Variants in ZBTB25 observed in about 807,000 individuals in gnomAD.
ZBTB25 encodes the protein zinc finger and BTB domain containing 25.
Under a neutral mutation model 34.2 loss-of-function variants are expected in ZBTB25, and 20 were observed. The observed-to-expected ratio is 0.58, with a 90% CI of 0.41 to 0.85. The LOEUF is 0.85. ZBTB25 is among the 40% of genes least tolerant of loss of function. The pLI is 0.00. For synonymous variants in ZBTB25, 175 were observed against 186.4 expected (o/e 0.94, Z 0.50); for missense variants, 437 against 521.8 (o/e 0.84, Z 1.58).
Position 64,486,738 on chromosome 14 carries a change from A to C in ZBTB25, c.*185T>G. The C allele has an allele frequency of 7.9e-7, 1 of 1,258,150 alleles. No homozygotes were observed. The highest frequency in any genetic ancestry group is 1.0e-6 in the Non-Finnish European group (1 of 998,010). 77.9% of individuals were successfully genotyped at this position (1,258,150 alleles called of 1,614,324 possible). A position where few individuals can be genotyped will look rare whatever the true frequency, so the allele number is the denominator to read the frequency against. Reference sequence around the variant, plus strand: ...AAGTTCACAGTAGTAATTGAATGTTACATTTTAATAGCCACATATTAATAT... The same window carrying C: ...AAGTTCACAGTAGTAATTGAATGTTCCATTTTAATAGCCACATATTAATAT... On this transcript the variant is annotated 3_prime_UTR_variant, in exon 3 of 3. Coordinates refer to ENST00000608382, the MANE Select transcript of ZBTB25 (RefSeq NM_006977.5).
At chr14:64,461,346 C>G (rs1436316554) in intron 2 of ZBTB25, 2 of 152,348 alleles carry the variant, frequency 1.3e-5, no homozygotes, top group Non-Finnish European at 2.9e-5. Flanking sequence ...AGAGCCCCAG[C>G]TCTATGGCAG....
rs547342387 is a variant in ZBTB25, at chr14:64,455,066, C to A, written c.174-5428G>T. ...CTATATAGCTCTTGCTGTGGACCATCTTGGTGTCAAATCAAGAATGATGCC... is the reference window on the plus strand; with the variant it reads ...CTATATAGCTCTTGCTGTGGACCATATTGGTGTCAAATCAAGAATGATGCC... On this transcript the variant is annotated intron_variant, in intron 2 of 2. Coordinates refer to the ZBTB25 transcript ENST00000555220. The A allele has an allele frequency of 9.7e-6, 6 of 620,426 alleles. No individual in the cohort carries two copies. The Admixed American group carries it at 1.0e-4, about 11-fold the overall frequency. 38.4% of individuals were successfully genotyped at this position (620,426 alleles called of 1,614,324 possible).
chr14:64,451,279 C>T (rs1450437600), intron 2 of ZBTB25, among the ~76,000 whole-genome samples: 1 of 152,188 alleles, frequency 6.6e-6, no homozygotes, highest in East Asian at 1.9e-4. Context: ...GCCTCAGCCT[C>T]CCAAAGTGCT....
intron 2 of ZBTB25, chr14:64,458,347 T>G: frequency 7.9e-7 from 1 of 1,271,250 alleles, no homozygotes; most frequent in Non-Finnish European, 1.2e-6. Flanking sequence ...TTTTTCCTCA[T>G]GTAGCTTATT....
chr14:64,486,092 G>T lies in ZBTB25; in HGVS notation c.*831C>A, dbSNP rs978740379. ...AGGCGGGCAGATGACGAGGTCAGGAGATCGAGACCATCCTGGCTAACACGG... is the reference window on the plus strand; with the variant it reads ...AGGCGGGCAGATGACGAGGTCAGGATATCGAGACCATCCTGGCTAACACGG... On this transcript the variant is annotated 3_prime_UTR_variant, in exon 3 of 3. Coordinates refer to ENST00000608382, the MANE Select transcript of ZBTB25 (RefSeq NM_006977.5). 1.2e-6 allele frequency: 1 copy of T among 809,284 alleles called. No individual in the cohort carries two copies. Among genetic ancestry groups the T allele is most frequent in the Non-Finnish European group, 1.5e-6 (1 of 669,948 alleles). 50.1% of individuals were successfully genotyped at this position (809,284 alleles called of 1,614,324 possible). A position where few individuals can be genotyped will look rare whatever the true frequency, so the allele number is the denominator to read the frequency against.
rs1233991966 is a variant in ZBTB25, at chr14:64,462,731, C to T, written c.174-13093G>A. The T allele has an allele frequency of 2.6e-5, 4 of 152,174 alleles. No individual in the cohort carries two copies. The East Asian group carries it at 7.7e-4, about 29-fold the overall frequency. The allele number at this position is 152,174 out of a possible 1,614,324, so 9.4% of individuals were successfully genotyped here. A position where few individuals can be genotyped will look rare whatever the true frequency, so the allele number is the denominator to read the frequency against. On this transcript the variant is annotated intron_variant, in intron 2 of 2. Transcript: ENST00000555220. Reference sequence around the variant, plus strand: ...CATTAAACAGATTGCAACAGTATTACTATTGAGTTTGTGTTGGCTCTGTGC... The same window carrying T: ...CATTAAACAGATTGCAACAGTATTATTATTGAGTTTGTGTTGGCTCTGTGC...
intron 1 of ZBTB25, among the ~76,000 whole-genome samples, chr14:64,498,692 G>A (rs1182724046): frequency 6.6e-6 from 1 of 151,818 alleles, no homozygotes; most frequent in Non-Finnish European, 1.5e-5. Flanking sequence ...GGAGTGCAGT[G>A]GCACGATCTC....
In ZBTB25 at chr14:64,482,795, C is replaced by T. The variant is rs2078809373; in HGVS notation, c.*4128G>A. 2 of 152,162 alleles carry T rather than the reference C, an allele frequency of 1.3e-5. No homozygotes were observed. The highest frequency in any genetic ancestry group is 2.4e-5 in the African/African-American group (1 of 41,444). 9.4% of individuals were successfully genotyped at this position (152,162 alleles called of 1,614,324 possible). ...GAAATACTAAAGTTAATAGGTCTAG[C>T]TACAGAATAAATGTCGTTTATATGG... On this transcript the variant is annotated 3_prime_UTR_variant, in exon 3 of 3. Coordinates refer to ENST00000608382, the MANE Select transcript of ZBTB25 (RefSeq NM_006977.5).
intron 1 of ZBTB25, chr14:64,503,109 G>A (rs2079551684): frequency 2.0e-6 from 2 of 985,382 alleles, no homozygotes; most frequent in South Asian, 4.7e-5. Flanking sequence ...CAGAGAAGAC[G>A]GTGATAAGAT....
chr14:64,498,808 G>C (rs528660198), intron 1 of ZBTB25, among the ~76,000 whole-genome samples: 1 of 151,334 alleles, frequency 6.6e-6, no homozygotes, highest in Non-Finnish European at 1.5e-5. Flanking sequence ...TAATTTTTTT[G>C]TATTTTTAGT....
At chr14:64,488,137 A>T in intron 2 of ZBTB25, 80 bp from the exon 3 acceptor site, 1 of 1,513,550 alleles carries the variant, frequency 6.6e-7, no homozygotes, top group Non-Finnish European at 8.8e-7. Context: ...GTCTGAGACT[A>T]AAGCAATTTC....
Position 64,483,206 on chromosome 14 carries a change from C to T in ZBTB25, c.*3717G>A, listed in dbSNP as rs35115595. On this transcript the variant is annotated 3_prime_UTR_variant, in exon 3 of 3. Coordinates refer to ENST00000608382, the MANE Select transcript of ZBTB25 (RefSeq NM_006977.5). ...TAATCATTATGCAAACTGCACTATA[C>T]TATTAGGATACTGGCTAACAGTATA... The T allele has an allele frequency of 0.24, 36,658 of 152,054 alleles. 5,148 individuals are homozygous for T. The highest frequency in any genetic ancestry group is 0.41 in the East Asian group (2,142 of 5,166). 9.4% of individuals were successfully genotyped at this position (152,054 alleles called of 1,614,324 possible).
chr14:64,456,264 A>C (rs745408377), intron 2 of ZBTB25, among the ~76,000 whole-genome samples: 1 of 152,188 alleles, frequency 6.6e-6, no homozygotes, highest in Non-Finnish European at 1.5e-5. Flanking sequence ...TTTAACTTTA[A>C]GTTGGACCAA....
chr14:64,458,642 G>A (rs1481200952), intron 2 of ZBTB25: 1 of 383,710 alleles, frequency 2.6e-6, no homozygotes, highest in Admixed American at 3.7e-5. Context: ...GGGGTTCAGA[G>A]TTGATGACAC....
intron 2 of ZBTB25, among the ~76,000 whole-genome samples, chr14:64,465,055 A>G (rs1172648474): frequency 6.6e-6 from 1 of 152,204 alleles, no homozygotes; most frequent in Non-Finnish European, 1.5e-5. Context: ...TCGCTATTCT[A>G]TGCACAGTTT....
chr14:64,498,926 GC>G (rs1246851928), intron 1 of ZBTB25, among the ~76,000 whole-genome samples: 6 of 152,066 alleles, frequency 3.9e-5, no homozygotes, highest in Non-Finnish European at 8.8e-5. Flanking sequence ...GAGCCACCGC[GC>G]CCAGCCCAGA....
chr14:64,458,347 T>C (rs747834647), intron 2 of ZBTB25: 2 of 1,271,132 alleles, frequency 1.6e-6, no homozygotes, highest in South Asian at 1.2e-5. Flanking sequence ...TTTTTCCTCA[T>C]GTAGCTTATT....
At chr14:64,453,381 G>A (rs1030124065) in intron 2 of ZBTB25, among the ~76,000 whole-genome samples, 4 of 152,090 alleles carry the variant, frequency 2.6e-5, no homozygotes, top group Non-Finnish European at 5.9e-5. Context: ...AGACCAGCCT[G>A]ACCAACATGG....
chr14:64,489,661 G>A lies in ZBTB25; in HGVS notation c.173+700C>T, dbSNP rs58434443. ...CGCAATTCTCCTCCCTCAGCCTCCCGAGTAGCTGGGACTACAGGCGCCCAC... is the reference window on the plus strand; with the variant it reads ...CGCAATTCTCCTCCCTCAGCCTCCCAAGTAGCTGGGACTACAGGCGCCCAC... On this transcript the variant is annotated intron_variant, in intron 2 of 2. Coordinates refer to ENST00000608382, the MANE Select transcript of ZBTB25 (RefSeq NM_006977.5). 5.0e-3 allele frequency among the ~76,000 whole-genome samples: 747 copies of A among 150,482 alleles called. 6 individuals are homozygous for A. The highest frequency in any genetic ancestry group is 0.017 in the African/African-American group (712 of 41,052).
Sources: gnomAD v4.1 joint callset for allele counts (sites outside exome capture counted in the v4.1 genomes callset) on GRCh38, gnomAD v4.1.1 for gene constraint, MANE v1.5 for transcripts, NCBI Gene and HGNC (gene_info 2026-07-23, HGNC 2026-07-21) for gene names.